TRDN: variants seen among roughly 807,000 people sequenced by gnomAD.
TRDN encodes the protein triadin in skeletal muscle.
TRDN carries 161 observed loss-of-function variants against 149.7 expected under a neutral mutation model. The ratio of observed to expected loss-of-function variants is 1.08; its 90% CI spans 0.95 to 1.23. The LOEUF (loss-of-function observed/expected upper bound fraction) is 1.23, where lower values mean the gene tolerates loss of function less well. TRDN is among the 50% of genes most tolerant of loss of function. TRDN has a pLI of 0.00. For synonymous variants in TRDN, 294 were observed against 250.5 expected, an observed-to-expected ratio of 1.17 and a Z score of -1.64; for missense variants, 896 against 823.5, an observed-to-expected ratio of 1.09 and a Z score of -1.08.
chr6:123,249,237 C>T (rs1666392950), intron 38 of TRDN, among the ~76,000 whole-genome samples: 1 of 151,988 alleles, frequency 6.6e-6, no homozygotes, highest in African/African-American at 2.4e-5. Flanking sequence ...TAATAAGATA[C>T]TATCTTACAC....
rs183294180 is a variant in TRDN, at chr6:123,511,616, A to G, written c.610+687T>C. On this transcript the variant is annotated intron_variant, in intron 7 of 40. Transcript: ENST00000334268. ...TTTATTGCTGTGGTAACAAATTAAA[A>G]CAAACTTAGCCACTTAAAATAACAC... Among the ~76,000 whole-genome samples, 6 of 152,298 alleles carry G rather than the reference A, an allele frequency of 3.9e-5. No individual in the cohort carries two copies. In the East Asian group the frequency reaches 9.6e-4, roughly 24 times the overall value.
At position 123,595,341 on chromosome 6, in the gene TRDN, G is replaced by C. The variant is rs1053586051; in HGVS notation, c.23-24209C>G. 3.3e-5 allele frequency among the ~76,000 whole-genome samples: 5 copies of C among 152,066 alleles called. 1 individual carries two copies. In the East Asian group the frequency reaches 9.6e-4, roughly 29 times the overall value. ...TATTTTTTATATGACACTTTCTGCA[G>C]TCATATCCTTCTCAGACTGTACGAT... On this transcript the variant is annotated intron_variant, in intron 1 of 40. Transcript: ENST00000334268.
chr6:123,239,546 G>A (rs1237456762), intron 38 of TRDN, among the ~76,000 whole-genome samples: 2 of 152,014 alleles, frequency 1.3e-5, no homozygotes, highest in African/African-American at 2.4e-5. Flanking sequence ...CACTTTTCCT[G>A]TGATTACTAC....
intron 1 of TRDN, among the ~76,000 whole-genome samples, chr6:123,612,498 C>T (rs1784870103): frequency 6.6e-6 from 1 of 151,616 alleles, no homozygotes; most frequent in Admixed American, 6.6e-5. Context: ...CCTGTAATCC[C>T]AGCTACTCGG....
chr6:123,339,852 T>A (rs1164921226), intron 21 of TRDN, among the ~76,000 whole-genome samples: 2 of 152,178 alleles, frequency 1.3e-5, no homozygotes, highest in African/African-American at 4.8e-5. Context: ...ATATCATTTA[T>A]ATATTGGTAG....
chr6:123,322,288 AAAAC>A (rs746039684), intron 23 of TRDN, among the ~76,000 whole-genome samples: 3 of 152,204 alleles, frequency 2.0e-5, no homozygotes, highest in Admixed American at 6.6e-5. Flanking sequence ...CAGTTGAAGA[AAAAC>A]AAACAAACAG....
rs185229551 is a variant in TRDN, at chr6:123,374,734, C to T, written c.1273+871G>A. 3.3e-3 allele frequency among the ~76,000 whole-genome samples: 497 copies of T among 151,800 alleles called. 8 individuals carry two copies. Among genetic ancestry groups the T allele is most frequent in the Middle Eastern group, 3.4e-3 (1 of 294 alleles). ...GAGGTGCAGTGAGCCAAGATCACGC[C>T]GCTGCACTCCAGCCTGGTGACAGAG... is the stretch of plus-strand genomic sequence containing the variant. On this transcript the variant is annotated intron_variant, in intron 19 of 40. Coordinates refer to ENST00000334268, the MANE Select transcript of TRDN (RefSeq NM_006073.4).
chr6:123,287,608 A>G (rs1471448627), intron 24 of TRDN, among the ~76,000 whole-genome samples: 1 of 152,132 alleles, frequency 6.6e-6, no homozygotes, highest in African/African-American at 2.4e-5. Flanking sequence ...AGTCAGAGAG[A>G]AAGTTTTCAG....
At position 123,377,706 on chromosome 6, in the gene TRDN, T is replaced by C. The variant is rs377411184; in HGVS notation, c.1246+10A>G. The C allele has an allele frequency of 1.9e-6, 3 of 1,613,146 alleles. No homozygotes were observed. The highest frequency in any genetic ancestry group is 2.5e-6 in the Non-Finnish European group (3 of 1,179,568). On this transcript the variant is annotated intron_variant, in intron 18 of 40. Transcript: ENST00000334268. ...AGTATTCGGAATCCAGCAACAGTGG[T>C]CTTACTCACCTGAGTGTTCTTTCTT...
At chr6:123,465,841 A>G (rs1776770090) in intron 9 of TRDN, among the ~76,000 whole-genome samples, 2 of 152,330 alleles carry the variant, frequency 1.3e-5, no homozygotes, top group African/African-American at 4.8e-5. Flanking sequence ...AACTTCTAAA[A>G]TCTCACTGAC....
At chr6:123,221,638 C>T (rs1775151772) in intron 39 of TRDN, 116 bp from the exon 40 acceptor site, 3 of 559,122 alleles carry the variant, frequency 5.4e-6, no homozygotes, top group Non-Finnish European at 6.0e-6. Flanking sequence ...CAGGAGTTAC[C>T]CTTTTTATAG....
chr6:123,258,044 T>C (rs1776625055), intron 35 of TRDN, among the ~76,000 whole-genome samples: 1 of 152,128 alleles, frequency 6.6e-6, no homozygotes, highest in African/African-American at 2.4e-5. Flanking sequence ...GCTGTGACGA[T>C]GGGGTTTTCT....
chr6:123,526,111 C>T (rs1779933368), intron 5 of TRDN, among the ~76,000 whole-genome samples: 1 of 151,914 alleles, frequency 6.6e-6, no homozygotes, highest in Non-Finnish European at 1.5e-5. Context: ...ATAAGTACTG[C>T]CACATCTCAT....
chr6:123,459,544 A>C (rs961217297), intron 10 of TRDN, among the ~76,000 whole-genome samples: 1 of 152,122 alleles, frequency 6.6e-6, no homozygotes, highest in African/African-American at 2.4e-5. Flanking sequence ...CAGGCATAGG[A>C]GTGATAAAGG....
At chr6:123,255,633 A>G (rs1029220684) in intron 36 of TRDN, among the ~76,000 whole-genome samples, 5 of 152,126 alleles carry the variant, frequency 3.3e-5, no homozygotes, top group African/African-American at 7.2e-5. Flanking sequence ...GGCAGAACAA[A>G]CTGATGCTTA....
chr6:123,551,342 T>TATACACAC lies in TRDN; in HGVS notation c.233-2731_233-2730insGTGTGTAT, dbSNP rs1554256527. 1.7e-3 allele frequency among the ~76,000 whole-genome samples: 239 copies of TATACACAC among 141,182 alleles called. 1 individual carries two copies. The highest frequency in any genetic ancestry group is 5.8e-3 in the African/African-American group (218 of 37,408). The allele number at this position is 141,182 out of a possible 152,430, so 92.6% of individuals were successfully genotyped here. The stretch of plus-strand genomic sequence containing the variant: ...TGGACCACTTCTTCCAAAACCTAAA[T>TATACACAC]ACACACACACACACACACACACACA... On this transcript the variant is annotated intron_variant, in intron 2 of 40. Transcript: ENST00000334268.
intron 20 of TRDN, among the ~76,000 whole-genome samples, chr6:123,356,702 TG>T (rs1282297775): frequency 6.7e-6 from 1 of 150,300 alleles, no homozygotes; most frequent in African/African-American, 2.4e-5. Flanking sequence ...TGAAACCATC[TG>T]GCTAAAATTG....
chr6:123,433,785 T>G (rs576556800), intron 12 of TRDN, among the ~76,000 whole-genome samples: 13 of 152,288 alleles, frequency 8.5e-5, no homozygotes, highest in African/African-American at 2.6e-4. Context: ...AGTTTACAAT[T>G]GTAACTATGA....
rs114322624 is a variant in TRDN at position 123,590,250 on chromosome 6, C to T, written c.23-19118G>A. On this transcript the variant is annotated intron_variant, in intron 1 of 40. Coordinates refer to ENST00000334268, the MANE Select transcript of TRDN (RefSeq NM_006073.4). ...CCATCTCCTGTCAGATCAGCAGCGG[C>T]ATTAGATTCTCATAGGATCATGAAC... Among the ~76,000 whole-genome samples the T allele has an allele frequency of 5.2e-3, 785 of 152,162 alleles. 8 individuals are homozygous for T. The highest frequency in any genetic ancestry group is 0.018 in the African/African-American group (735 of 41,512).
Sources: gnomAD v4.1 joint callset for allele counts (sites outside exome capture counted in the v4.1 genomes callset) on GRCh38, gnomAD v4.1.1 for gene constraint, MANE v1.5 for transcripts, NCBI Gene and HGNC (gene_info 2026-07-23, HGNC 2026-07-21) for gene names.